Variants in SCUBE3 observed in about 807,000 individuals in gnomAD.
The protein encoded by SCUBE3 is signal peptide, CUB and EGF-like domain-containing protein 3.
SCUBE3 carries 33 observed loss-of-function variants against 116.8 expected under a neutral mutation model. That is an observed-to-expected ratio of 0.28 (90% CI 0.21 to 0.38). The LOEUF (loss-of-function observed/expected upper bound fraction) is 0.38. SCUBE3 is among the 10% of genes least tolerant of loss of function. The probability of loss-of-function intolerance (pLI) is 1.00; values close to 1 mark genes in which losing one functional copy is unlikely to be tolerated. For missense variants in SCUBE3, 1,007 were observed against 1,324.8 expected, an observed-to-expected ratio of 0.76 and a Z score of 3.72; for synonymous variants, 418 against 496.9, an observed-to-expected ratio of 0.84 and a Z score of 2.11.
intron 1 of SCUBE3, among the ~76,000 whole-genome samples, chr6:35,217,837 C>A (rs1362002860): frequency 6.6e-6 from 1 of 152,156 alleles, no homozygotes; most frequent in Non-Finnish European, 1.5e-5. Context: ...TAAGCCCACC[C>A]CCATTTTTCC....
Position 35,215,528 on chromosome 6 carries a change from C to G in SCUBE3, c.85+1025C>G, listed in dbSNP as rs577046948. The stretch of plus-strand genomic sequence containing the variant: ...GGAGAGTATGATTCTGCCTATTGTC[C>G]CAGGGGCTCCTGAAGCCAGCTGGGT... On this transcript the variant is annotated intron_variant, in intron 1 of 21. Transcript: ENST00000274938. Among the ~76,000 whole-genome samples the G allele has an allele frequency of 2.6e-5, 4 of 152,264 alleles. No individual in the cohort carries two copies. In the East Asian group the frequency reaches 7.7e-4, roughly 29 times the overall value.
At chr6:35,229,768 A>G (rs988889413) in intron 3 of SCUBE3, among the ~76,000 whole-genome samples, 2 of 152,166 alleles carry the variant, frequency 1.3e-5, no homozygotes, top group African/African-American at 2.4e-5. Context: ...CCAAGCAGAA[A>G]ATCTGAAGCT....
rs9394287 is a variant in SCUBE3 at position 35,248,963 on chromosome 6, G to A, written c.*258G>A. On this transcript the variant is annotated 3_prime_UTR_variant, in exon 22 of 22. Transcript: ENST00000274938. ...CCATTCAGTACTGGCTCTAGTCCCC[G>A]TGAGATGTAAAGAAACAGTACAGCC... is the stretch of plus-strand genomic sequence containing the variant. The A allele has an allele frequency of 0.12, 55,051 of 474,066 alleles. 3,806 individuals carry two copies. Among genetic ancestry groups the A allele is most frequent in the East Asian group, 0.24 (6,150 of 26,028 alleles). 29.4% of individuals were successfully genotyped at this position (474,066 alleles called of 1,614,324 possible).
At position 35,243,196 on chromosome 6, in the gene SCUBE3, G is replaced by A. The variant is rs765600550; in HGVS notation, c.1869G>A (p.Glu623=). The A allele has an allele frequency of 2.5e-6, 4 of 1,614,214 alleles. No homozygotes were observed. The highest frequency in any genetic ancestry group is 3.4e-6 in the Non-Finnish European group (4 of 1,180,038). ...LVAGERAEPM[E]SCRPGQHRAG... ...CCGGGGAGCGAGCAGAGCCGATGGA[G>A]TCCTGTAGGCCCGGGCAGCACCGTG... The change falls in exon 15 of 22, where the codon GAG becomes GAA. Residue 623 remains glutamate (E), a synonymous_variant. Transcript: ENST00000274938. This position sits in a 1 kb window ranked among gnomAD's most constrained non-coding sequence, Gnocchi z 6.6.
chr6:35,242,852 C>A, intron 14 of SCUBE3, 72 bp downstream of exon 14: 1 of 1,573,318 alleles, frequency 6.4e-7, no homozygotes, highest in Non-Finnish European at 8.7e-7. Context: ...CAGGTCTCAG[C>A]AGCAAAAGGA....
rs1232634856 is a variant in SCUBE3 at position 35,241,186 on chromosome 6, G to T, written c.1115G>T (p.Cys372Phe). 1 of 1,605,200 alleles carries T rather than the reference G, an allele frequency of 6.2e-7. No individual in the cohort carries two copies. The highest frequency in any genetic ancestry group is 8.5e-7 in the Non-Finnish European group (1 of 1,172,766). Residue 372 changes from cysteine (C) to phenylalanine (F), a missense_variant, in exon 10 of 22, where the codon TGC (cysteine) becomes TTC (phenylalanine). By Grantham distance (205) the Cys-to-Phe change is radical. Transcript: ENST00000274938. The surrounding 1 kb of genome is among the most constrained non-coding windows in gnomAD (Gnocchi z 4.1). ...SINRGGCRFG[C>F]INTPGSYQCT... ...AACCGGGGAGGTTGCCGCTTTGGCT[G>T]CATCAACACTCCTGGCAGCTACCAG...
At position 35,233,359 on chromosome 6, in the gene SCUBE3, T is replaced by C. The variant is rs557987391; in HGVS notation, c.712+58T>C. ...TGAGATGGGGTGGGGGTGGGACCCT[T>C]TGGGAACCAGGGAAGTGGAGGAGTG... On this transcript the variant is annotated intron_variant, in intron 6 of 21. Transcript: ENST00000274938. This position sits in a 1 kb window ranked among gnomAD's most constrained non-coding sequence, Gnocchi z 5.7. The C allele has an allele frequency of 3.8e-6, 4 of 1,050,368 alleles. No individual in the cohort carries two copies. The highest frequency in any genetic ancestry group is 6.0e-6 in the Non-Finnish European group (4 of 672,258). The allele number at this position is 1,050,368 out of a possible 1,614,324, so 65.1% of individuals were successfully genotyped here.
At chr6:35,230,956 G>A (rs555187489) in intron 3 of SCUBE3, among the ~76,000 whole-genome samples, 10 of 152,296 alleles carry the variant, frequency 6.6e-5, no homozygotes, top group African/African-American at 2.4e-4. Flanking sequence ...GCTCCAGGGT[G>A]AGCTTGGCTC....
rs1346660419 is a variant in SCUBE3 at position 35,243,451 on chromosome 6, TC to T, written c.1910-137del. 3 of 896,420 alleles carry T rather than the reference TC, an allele frequency of 3.3e-6. No homozygotes were observed. The highest frequency in any genetic ancestry group is 2.7e-5 in the East Asian group (1 of 37,576). The allele number at this position is 896,420 out of a possible 1,614,324, so 55.5% of individuals were successfully genotyped here. ...CCTGCACACGGTTTTGACCCTCCTA[TC>T]CCCCCAAGTAGGATTGTGTTTGTTC... On this transcript the variant is annotated intron_variant, in intron 15 of 21. Coordinates refer to ENST00000274938, the MANE Select transcript of SCUBE3 (RefSeq NM_152753.4). The surrounding 1 kb of genome is among the most constrained non-coding windows in gnomAD (Gnocchi z 6.6).
intron 1 of SCUBE3, among the ~76,000 whole-genome samples, chr6:35,217,705 A>G (rs1355858341): frequency 1.3e-5 from 2 of 152,122 alleles, no homozygotes; most frequent in Non-Finnish European, 2.9e-5. Context: ...AATGAAAACC[A>G]TAACCATGTC....
In SCUBE3 at chr6:35,227,910, C is replaced by T. The variant is rs544424501; in HGVS notation, c.208+208C>T. Among the ~76,000 whole-genome samples, 7 of 152,260 alleles carry T rather than the reference C, an allele frequency of 4.6e-5. No individual in the cohort carries two copies. The South Asian group carries it at 8.3e-4, about 18-fold the overall frequency. On this transcript the variant is annotated intron_variant, in intron 2 of 21. Coordinates refer to ENST00000274938, the MANE Select transcript of SCUBE3 (RefSeq NM_152753.4). Reference sequence around the variant, plus strand: ...AAGGCACCATGCAGGCTAGCAGAGGCCCTGGTGGGGACAGTTCACAGCCCA... The same window carrying T: ...AAGGCACCATGCAGGCTAGCAGAGGTCCTGGTGGGGACAGTTCACAGCCCA...
At position 35,214,318 on chromosome 6, in the gene SCUBE3, C is replaced by CCCCCT. The variant is rs547781800; in HGVS notation, c.-91_-87dup. ...CCCCCGGCCTGGCCCCGGCGGGGCG[C>CCCCCT]CCCCTCCCCTCCCCCTCCTGCGAGC... On this transcript the variant is annotated 5_prime_UTR_variant, in exon 1 of 22. Coordinates refer to ENST00000274938, the MANE Select transcript of SCUBE3 (RefSeq NM_152753.4). This position sits in a 1 kb window ranked among gnomAD's most constrained non-coding sequence, Gnocchi z 6.3. The CCCCCT allele has an allele frequency of 6.6e-3, 4,234 of 638,126 alleles. 47 individuals are homozygous for CCCCCT. The highest frequency in any genetic ancestry group is 0.039 in the African/African-American group (2,027 of 51,546). The allele number at this position is 638,126 out of a possible 1,614,324, so 39.5% of individuals were successfully genotyped here.
Position 35,214,155 on chromosome 6 carries a change from CCCCT to C in SCUBE3, c.-261_-258del, listed in dbSNP as rs1782788623. Among the ~76,000 whole-genome samples the C allele has an allele frequency of 6.6e-6, 1 of 152,148 alleles. No homozygotes were observed. Among genetic ancestry groups the C allele is most frequent in the African/African-American group, 2.4e-5 (1 of 41,456 alleles). On this transcript the variant is annotated 5_prime_UTR_variant, in exon 1 of 22. Transcript: ENST00000274938. This position sits in a 1 kb window ranked among gnomAD's most constrained non-coding sequence, Gnocchi z 6.3. The stretch of plus-strand genomic sequence containing the variant: ...GGCCGGCTTGGAGAGGGCGGGGGTT[CCCCT>C]CCGTCAGTCGCCCCTGGCGCCCCTC...
chr6:35,236,829 C>G (rs1475116022), intron 6 of SCUBE3, among the ~76,000 whole-genome samples: 1 of 152,210 alleles, frequency 6.6e-6, no homozygotes, highest in Non-Finnish European at 1.5e-5. Context: ...TGGGAGAATT[C>G]TAGTCACCCC....
chr6:35,244,518 T>G lies in SCUBE3; in HGVS notation c.2240-132T>G. ...AAATTCTGGCATGACTGGGAAAGAT[T>G]GAGACCCTAGAAAAGAACTTTGATG... On this transcript the variant is annotated intron_variant, in intron 17 of 21. Coordinates refer to ENST00000274938, the MANE Select transcript of SCUBE3 (RefSeq NM_152753.4). The surrounding 1 kb of genome is among the most constrained non-coding windows in gnomAD (Gnocchi z 4.3). 2 of 775,646 alleles carry G rather than the reference T, an allele frequency of 2.6e-6. No individual in the cohort carries two copies. The highest frequency in any genetic ancestry group is 4.3e-6 in the Non-Finnish European group (2 of 464,510). 48.0% of individuals were successfully genotyped at this position (775,646 alleles called of 1,614,324 possible). A position where few individuals can be genotyped will look rare whatever the true frequency, so the allele number is the denominator to read the frequency against.
Position 35,243,760 on chromosome 6 carries a change from C to A in SCUBE3, c.2071+5C>A. Reference sequence around the variant, plus strand: ...CCAACGTCACCACGTGTGCAGGTGCCAGGGGAACAAACAATACAGAGTGGG... The same window carrying A: ...CCAACGTCACCACGTGTGCAGGTGCAAGGGGAACAAACAATACAGAGTGGG... On this transcript the variant is annotated splice_donor_5th_base_variant and intron_variant, in intron 16 of 21. Coordinates refer to ENST00000274938, the MANE Select transcript of SCUBE3 (RefSeq NM_152753.4). The surrounding 1 kb of genome is among the most constrained non-coding windows in gnomAD (Gnocchi z 6.6). The A allele has an allele frequency of 1.2e-6, 2 of 1,613,548 alleles. No individual in the cohort carries two copies. Among genetic ancestry groups the A allele is most frequent in the African/African-American group, 2.7e-5 (2 of 75,058 alleles).
In SCUBE3 at chr6:35,244,564, C is replaced by A; in HGVS notation, c.2240-86C>A. 1 of 1,058,656 alleles carries A rather than the reference C, an allele frequency of 9.4e-7. No individual in the cohort carries two copies. The highest frequency in any genetic ancestry group is 1.4e-6 in the Non-Finnish European group (1 of 700,636). 65.6% of individuals were successfully genotyped at this position (1,058,656 alleles called of 1,614,324 possible). On this transcript the variant is annotated intron_variant, in intron 17 of 21. Transcript: ENST00000274938. This position sits in a 1 kb window ranked among gnomAD's most constrained non-coding sequence, Gnocchi z 4.3. The stretch of plus-strand genomic sequence containing the variant: ...TGATGTATCTGATCTCCTGATTCTC[C>A]AGGATGAATGTATCCTGTCCATCCC...
At position 35,245,174 on chromosome 6, in the gene SCUBE3, T is replaced by C; in HGVS notation, c.2402-54T>C. 1.3e-6 allele frequency: 2 copies of C among 1,524,926 alleles called. No individual in the cohort carries two copies. The highest frequency in any genetic ancestry group is 1.8e-6 in the Non-Finnish European group (2 of 1,099,102). The allele number at this position is 1,524,926 out of a possible 1,614,324, so 94.5% of individuals were successfully genotyped here. ...AACTCTTCAATTCCCCCAGCACACT[T>C]CCCCACTGACTTCCCTTCTCTGTCT... On this transcript the variant is annotated intron_variant, in intron 18 of 21. Coordinates refer to ENST00000274938, the MANE Select transcript of SCUBE3 (RefSeq NM_152753.4). The surrounding 1 kb of genome is among the most constrained non-coding windows in gnomAD (Gnocchi z 4.2).
rs1783736669 is a variant in SCUBE3, at chr6:35,235,583, G to A, written c.712+2282G>A. On this transcript the variant is annotated intron_variant, in intron 6 of 21. Coordinates refer to ENST00000274938, the MANE Select transcript of SCUBE3 (RefSeq NM_152753.4). The surrounding 1 kb of genome is among the most constrained non-coding windows in gnomAD (Gnocchi z 4.5). Reference sequence around the variant, plus strand: ...GGCTCCCACTAACTGCATGCCCACTGGGCCCAGCCTGACTGGGCCCCAACT... The same window carrying A: ...GGCTCCCACTAACTGCATGCCCACTAGGCCCAGCCTGACTGGGCCCCAACT... 1 of 685,772 alleles carries A rather than the reference G, an allele frequency of 1.5e-6. No individual in the cohort carries two copies. The highest frequency in any genetic ancestry group is 1.8e-5 in the African/African-American group (1 of 54,860). The allele number at this position is 685,772 out of a possible 1,614,324, so 42.5% of individuals were successfully genotyped here. A position where few individuals can be genotyped will look rare whatever the true frequency, so the allele number is the denominator to read the frequency against.
Sources: gnomAD v4.1 joint callset for allele counts (sites outside exome capture counted in the v4.1 genomes callset) on GRCh38, gnomAD v4.1.1 for gene constraint, Gnocchi (gnomAD v3.1) non-coding constraint, MANE v1.5 for transcripts, NCBI Gene and HGNC (gene_info 2026-07-23, HGNC 2026-07-21) for gene names.